Variants in PTPRF observed in about 807,000 individuals in gnomAD.
PTPRF encodes the protein receptor-type tyrosine-protein phosphatase F.
In PTPRF, 59 loss-of-function variants were observed where a neutral mutation model predicts 201.8. The observed-to-expected ratio is 0.29, with a 90% CI of 0.24 to 0.36. The LOEUF is 0.36. Among genes scored for constraint, PTPRF ranks in the 10% least tolerant of loss-of-function variants. The pLI, the probability that PTPRF is intolerant of heterozygous loss-of-function variation, is 1.00. For missense variants in PTPRF, 2,132 were observed against 2,690.5 expected (o/e 0.79, Z 4.59); for synonymous variants, 1,088 against 1,089.7 (o/e 1.00, Z 0.03).
At position 43,595,753 on chromosome 1, in the gene PTPRF, G is replaced by C. The variant is rs79439780; in HGVS notation, c.1814-1995G>C. Among the ~76,000 whole-genome samples the C allele has an allele frequency of 3.7e-3, 556 of 152,222 alleles. 5 individuals are homozygous for C. The highest frequency in any genetic ancestry group is 0.013 in the African/African-American group (528 of 41,530). ...GCTGCAGATGCAAGTACGGTGGGGGGGTTGTAGCAAGAGATGGAGGGAGCT... is the reference window on the plus strand; with the variant it reads ...GCTGCAGATGCAAGTACGGTGGGGGCGTTGTAGCAAGAGATGGAGGGAGCT... On this transcript the variant is annotated intron_variant, in intron 11 of 33. Coordinates refer to ENST00000359947, the MANE Select transcript of PTPRF (RefSeq NM_002840.5).
chr1:43,591,580 G>A, intron 9 of PTPRF, 27 bp downstream of exon 9: 1 of 1,530,844 alleles, frequency 6.5e-7, no homozygotes, highest in Non-Finnish European at 8.8e-7. Context: ...CGGCTGGGCA[G>A]CCAACAGCAG....
At chr1:43,523,836 C>T (rs868678998), upstream of PTPRF, among the ~76,000 whole-genome samples, 2 of 151,666 alleles carry the variant, frequency 1.3e-5, no homozygotes, top group African/African-American at 4.8e-5. Context: ...TCACTTGAGG[C>T]CAGGAGTTCA....
intron 23 of PTPRF, among the ~76,000 whole-genome samples, chr1:43,616,203 G>A (rs1398409429): frequency 1.3e-5 from 2 of 150,748 alleles, no homozygotes; most frequent in African/African-American, 2.4e-5. Context: ...ACTTCAGATA[G>A]TATCCATCTG....
intron 7 of PTPRF, among the ~76,000 whole-genome samples, chr1:43,582,839 G>A (rs763575531): frequency 2.6e-5 from 4 of 152,212 alleles, no homozygotes; most frequent in African/African-American, 4.8e-5. Context: ...GCCTGCTGGC[G>A]GGCCTCAGCC....
chr1:43,524,909 A>G (rs1173895976), upstream of PTPRF, among the ~76,000 whole-genome samples: 1 of 152,216 alleles, frequency 6.6e-6, no homozygotes, highest in East Asian at 1.9e-4. Flanking sequence ...GTGCGGTTCC[A>G]AGCCGACTGG....
At chr1:43,557,284 G>T (rs1430982532) in intron 5 of PTPRF, among the ~76,000 whole-genome samples, 1 of 152,226 alleles carries the variant, frequency 6.6e-6, no homozygotes, top group Non-Finnish European at 1.5e-5. Flanking sequence ...CCTTTCAAAG[G>T]GTTGAGGAGG....
Position 43,604,551 on chromosome 1 carries a change from G to A in PTPRF, c.3038-352G>A, listed in dbSNP as rs115037918. The stretch of plus-strand genomic sequence containing the variant: ...ACCTCTAGTGAACATGCTCCACCAC[G>A]CTCTGGTGTGTGGCCACATGCTTCT... On this transcript the variant is annotated intron_variant, in intron 16 of 33. Coordinates refer to ENST00000359947, the MANE Select transcript of PTPRF (RefSeq NM_002840.5). Among the ~76,000 whole-genome samples, 1,152 of 152,228 alleles carry A rather than the reference G, an allele frequency of 7.6e-3. 17 individuals are homozygous for A. Among genetic ancestry groups the A allele is most frequent in the African/African-American group, 0.026 (1,100 of 41,522 alleles).
Position 43,597,733 on chromosome 1 carries a change from A to AC in PTPRF, c.1814-15_1814-14insC. On this transcript the variant is annotated splice_polypyrimidine_tract_variant and intron_variant, in intron 11 of 33. Coordinates refer to ENST00000359947, the MANE Select transcript of PTPRF (RefSeq NM_002840.5). ...CCCTCCATCTGCTTGCTTCCCCCCC[A>AC]TTTGTCTTCCCCAGCCCCCTCCGCC... 1 of 479,832 alleles carries AC rather than the reference A, an allele frequency of 2.1e-6. No homozygotes were observed. The allele number at this position is 479,832 out of a possible 1,614,324, so 29.7% of individuals were successfully genotyped here.
chr1:43,603,910 CA>C lies in PTPRF; in HGVS notation c.2762del (p.Asn921ThrfsTer4). On this transcript the variant is annotated frameshift_variant, in exon 16 of 34. Transcript: ENST00000359947. LOFTEE classifies it high-confidence loss of function. This position sits in a 1 kb window ranked among gnomAD's most constrained non-coding sequence, Gnocchi z 5.8. ...CGAGGACCTGCCCAGCGGCTTCCCC[CA>C]AAACCTGCATGTGACAGGACTGACC... The part of the protein sequence containing the change: ...TPEDLPSGFP[Q>X]NLHVTGLTTS... 8 of 1,614,078 alleles carry C rather than the reference CA, an allele frequency of 5.0e-6. No individual in the cohort carries two copies. The highest frequency in any genetic ancestry group is 6.8e-6 in the Non-Finnish European group (8 of 1,180,040).
chr1:43,553,576 A>G lies in PTPRF; in HGVS notation c.176A>G (p.Glu59Gly). The change falls in exon 4 of 34, where the codon GAA (glutamate) becomes GGA (glycine). Residue 59 changes from glutamate (E) to glycine (G), a missense_variant. Glu to Gly is a moderately conservative substitution (Grantham distance 98, BLOSUM62 -2). Coordinates refer to ENST00000359947, the MANE Select transcript of PTPRF (RefSeq NM_002840.5). This position sits in a 1 kb window ranked among gnomAD's most constrained non-coding sequence, Gnocchi z 4.1. The part of the protein sequence containing the change: ...VASFVCQATG[E>G]PKPRITWMKK... ...TCCTTCGTGTGCCAAGCTACAGGAG[A>G]ACCCAAGCCGCGCATCACATGGATG... 6.2e-7 allele frequency: 1 copy of G among 1,614,158 alleles called. No individual in the cohort carries two copies. Among genetic ancestry groups the G allele is most frequent in the Middle Eastern group, 1.7e-4 (1 of 6,060 alleles).
Position 43,553,357 on chromosome 1 carries a change from T to A in PTPRF, c.92-135T>A. 1.0e-6 allele frequency: 1 copy of A among 989,820 alleles called. No homozygotes were observed. Among genetic ancestry groups the A allele is most frequent in the Non-Finnish European group, 1.5e-6 (1 of 656,432 alleles). The allele number at this position is 989,820 out of a possible 1,614,324, so 61.3% of individuals were successfully genotyped here. On this transcript the variant is annotated intron_variant, in intron 3 of 33. Coordinates refer to ENST00000359947, the MANE Select transcript of PTPRF (RefSeq NM_002840.5). This position sits in a 1 kb window ranked among gnomAD's most constrained non-coding sequence, Gnocchi z 4.1. ...TCTCTGAACAGTGCCTGGCACATAC[T>A]AAGCGCTACATAAAGGTGAGGTGTC...
intron 12 of PTPRF, chr1:43,598,518 A>G (rs1354377361): frequency 1.0e-5 from 6 of 576,862 alleles, no homozygotes; most frequent in Non-Finnish European, 1.8e-5. Flanking sequence ...AGGGGTGGGC[A>G]GGGCCAGTCC....
At chr1:43,614,776 C>T (rs1657323981) in intron 23 of PTPRF, among the ~76,000 whole-genome samples, 4 of 152,086 alleles carry the variant, frequency 2.6e-5, no homozygotes, top group African/African-American at 7.2e-5. Flanking sequence ...CGTTTGAACC[C>T]GGGAGGCGGA....
intron 23 of PTPRF, among the ~76,000 whole-genome samples, chr1:43,615,356 T>C (rs1437063248): frequency 2.0e-5 from 3 of 152,100 alleles, no homozygotes; most frequent in Admixed American, 1.3e-4. Context: ...CACCTGCCCT[T>C]CCTTCCAGCG....
rs199784544 is a variant in PTPRF at position 43,619,564 on chromosome 1, C to G, written c.4923C>G (p.Leu1641=). 1 of 1,612,042 alleles carries G rather than the reference C, an allele frequency of 6.2e-7. No individual in the cohort carries two copies. Among genetic ancestry groups the G allele is most frequent in the East Asian group, 2.2e-5 (1 of 44,832 alleles). ...GGGAGAGTGTGACCGCCATGGAGCT[C>G]GAGTTCAAGGTGGGGCTCGGGTGGG... The part of the protein sequence containing the change: ...PPGESVTAME[L]EFKLLASSKA... Residue 1641 remains leucine, a synonymous_variant, in exon 28 of 34, where the codon CTC becomes CTG. Coordinates refer to ENST00000359947, the MANE Select transcript of PTPRF (RefSeq NM_002840.5).
At chr1:43,536,758 C>A (rs777767060) in intron 1 of PTPRF, among the ~76,000 whole-genome samples, 1 of 152,060 alleles carries the variant, frequency 6.6e-6, no homozygotes, top group Non-Finnish European at 1.5e-5. Flanking sequence ...GCTTGGGGAG[C>A]GGGGAGGGAA....
chr1:43,583,484 C>A (rs142242228), intron 7 of PTPRF, among the ~76,000 whole-genome samples: 2 of 152,140 alleles, frequency 1.3e-5, no homozygotes, highest in Non-Finnish European at 2.9e-5. Context: ...AGACCTGTAG[C>A]GCTTTGTGTG....
rs1468595128 is a variant in PTPRF at position 43,619,281 on chromosome 1, C to A, written c.4647-7C>A. 6.2e-7 allele frequency: 1 copy of A among 1,612,762 alleles called. No individual in the cohort carries two copies. Among genetic ancestry groups the A allele is most frequent in the Non-Finnish European group, 8.5e-7 (1 of 1,179,646 alleles). ...CCTGTGCCTCAAGCTGAGCCCGTGT[C>A]CTGCAGCGCGGGCGTGGGCCGCACC... is the stretch of plus-strand genomic sequence containing the variant. On this transcript the variant is annotated splice_region_variant and splice_polypyrimidine_tract_variant and intron_variant, in intron 27 of 33. Transcript: ENST00000359947.
chr1:43,537,771 G>A lies in PTPRF; in HGVS notation c.-125-427G>A, dbSNP rs796963357. ...CACTGGCAAGGCTGGGAGACAGGAA[G>A]AAATTTGGCACATTTGAGGATCAGA... On this transcript the variant is annotated intron_variant, in intron 1 of 33. Coordinates refer to ENST00000359947, the MANE Select transcript of PTPRF (RefSeq NM_002840.5). The surrounding 1 kb of genome is among the most constrained non-coding windows in gnomAD (Gnocchi z 4.8). Among the ~76,000 whole-genome samples, 38 of 152,314 alleles carry A rather than the reference G, an allele frequency of 2.5e-4. No individual in the cohort carries two copies. The highest frequency in any genetic ancestry group is 8.7e-4 in the African/African-American group (36 of 41,566).
Sources: gnomAD v4.1 joint callset for allele counts (sites outside exome capture counted in the v4.1 genomes callset) on GRCh38, gnomAD v4.1.1 for gene constraint, Gnocchi (gnomAD v3.1) non-coding constraint, MANE v1.5 for transcripts, NCBI Gene and HGNC (gene_info 2026-07-23, HGNC 2026-07-21) for gene names.